ATP2C1: variants seen among roughly 807,000 people sequenced by gnomAD.
ATP2C1 encodes ATPase secretory pathway Ca2+ transporting 1, also known as calcium-transporting ATPase type 2C member 1.
Under a neutral mutation model 120.5 loss-of-function variants are expected in ATP2C1, and 31 were observed. That is an observed-to-expected ratio of 0.26 (90% CI 0.19 to 0.35). The LOEUF (loss-of-function observed/expected upper bound fraction) is 0.35, where lower values mean the gene tolerates loss of function less well. Ranked by LOEUF, ATP2C1 falls within the 10% of genes least tolerant of loss-of-function variation. The pLI, the probability that ATP2C1 is intolerant of heterozygous loss-of-function variation, is 1.00. For synonymous variants in ATP2C1, 351 were observed against 358.7 expected, an observed-to-expected ratio of 0.98 and a Z score of 0.24; for missense variants, 731 against 1,107.5, an observed-to-expected ratio of 0.66 and a Z score of 4.83.
chr3:130,904,313 G>A (rs545469601), intron 2 of ATP2C1, among the ~76,000 whole-genome samples: 14 of 151,858 alleles, frequency 9.2e-5, no homozygotes, highest in South Asian at 4.1e-4. Context: ...TTATCATCAT[G>A]TTAGTCTCCT....
chr3:130,990,241 G>T (rs992224820), intron 20 of ATP2C1, among the ~76,000 whole-genome samples: 2 of 142,950 alleles, frequency 1.4e-5, no homozygotes, highest in South Asian at 2.3e-4. Flanking sequence ...GAAGATAAAT[G>T]AATATAATGT....
chr3:130,853,457 C>A (rs1393711351), intron 1 of ATP2C1, among the ~76,000 whole-genome samples: 2 of 152,168 alleles, frequency 1.3e-5, no homozygotes, highest in East Asian at 1.9e-4. Context: ...TGCTAAGTAC[C>A]AACCATGTTG....
intron 14 of ATP2C1, among the ~76,000 whole-genome samples, chr3:130,965,999 G>A (rs1191790486): frequency 1.3e-5 from 2 of 152,120 alleles, no homozygotes; most frequent in Non-Finnish European, 2.9e-5. Flanking sequence ...TCTTCCTGAA[G>A]GTGCTTATGG....
intron 22 of ATP2C1, among the ~76,000 whole-genome samples, chr3:130,995,765 C>T (rs1208944017): frequency 5.3e-5 from 8 of 152,038 alleles, no homozygotes; most frequent in Non-Finnish European, 8.8e-5. Flanking sequence ...CTCAGCCTCC[C>T]GAGTAGCTGG....
chr3:130,969,480 C>CA, intron 17 of ATP2C1, 84 bp downstream of exon 17: 1 of 1,004,646 alleles, frequency 1.0e-6, no homozygotes, highest in Non-Finnish European at 1.6e-6. Flanking sequence ...TGGGTTTAGT[C>CA]ATTGTACATA....
chr3:130,885,556 T>C (rs1416662201), intron 1 of ATP2C1, among the ~76,000 whole-genome samples: 3 of 152,160 alleles, frequency 2.0e-5, no homozygotes, highest in Non-Finnish European at 4.4e-5. Flanking sequence ...TAACCCATTA[T>C]TTTAAACTTA....
downstream of ATP2C1, among the ~76,000 whole-genome samples, chr3:131,005,506 A>T (rs762080000): frequency 6.4e-4 from 98 of 152,182 alleles, 1 homozygote; most frequent in Admixed American, 2.6e-4. Context: ...CTTTGGCTTG[A>T]ATAGTAGAGC....
intron 2 of ATP2C1, among the ~76,000 whole-genome samples, chr3:130,912,734 C>T (rs1389167734): frequency 6.8e-6 from 1 of 147,112 alleles, no homozygotes; most frequent in Non-Finnish European, 1.5e-5. Flanking sequence ...ACCATTTGAC[C>T]CAGCCATCCC....
At chr3:130,970,672 C>T (rs917621895) in intron 17 of ATP2C1, among the ~76,000 whole-genome samples, 3 of 152,094 alleles carry the variant, frequency 2.0e-5, no homozygotes, top group Non-Finnish European at 4.4e-5. Flanking sequence ...GGATTGCAGG[C>T]GTGAGCCACC....
intron 1 of ATP2C1, among the ~76,000 whole-genome samples, chr3:130,884,930 CT>C (rs35931105): frequency 0.099 from 11,934 of 120,778 alleles, 483 homozygotes; most frequent in Non-Finnish European, 0.13. Flanking sequence ...TCTTTTCTTT[CT>C]TTTTTTTTTT....
intron 22 of ATP2C1, 98 bp downstream of exon 22, chr3:130,994,196 A>C (rs1169242144): frequency 5.6e-6 from 8 of 1,432,126 alleles, no homozygotes; most frequent in African/African-American, 4.2e-5. Flanking sequence ...ATTAGTATTT[A>C]AACATTAGGT....
chr3:130,890,291 T>C (rs2069127843), upstream of ATP2C1, among the ~76,000 whole-genome samples: 1 of 152,232 alleles, frequency 6.6e-6, no homozygotes, highest in Admixed American at 6.5e-5. Context: ...GTCATGGTAC[T>C]CTTGGGTCAT....
chr3:130,907,413 C>A (rs1412192154), intron 2 of ATP2C1, among the ~76,000 whole-genome samples: 1 of 152,010 alleles, frequency 6.6e-6, no homozygotes, highest in East Asian at 1.9e-4. Flanking sequence ...TAGTTTAACT[C>A]TCACGCTTGA....
intron 12 of ATP2C1, among the ~76,000 whole-genome samples, chr3:130,960,439 C>T (rs2060769595): frequency 6.6e-6 from 1 of 152,152 alleles, no homozygotes; most frequent in Non-Finnish European, 1.5e-5. Flanking sequence ...CAGATGCCTG[C>T]AAAGGACATG....
At chr3:130,910,881 TTCA>T (rs1310478797) in intron 2 of ATP2C1, among the ~76,000 whole-genome samples, 1 of 72,872 alleles carries the variant, frequency 1.4e-5, no homozygotes, top group African/African-American at 5.3e-5. Context: ...TGCATCAATG[TTCA>T]TCAAGGATAT....
chr3:130,884,661 C>T (rs1259593688), intron 1 of ATP2C1, among the ~76,000 whole-genome samples: 1 of 152,170 alleles, frequency 6.6e-6, no homozygotes, highest in African/African-American at 2.4e-5. Flanking sequence ...ATAAAATTAG[C>T]TTTATATATC....
At chr3:131,014,966 CATT>C (rs1173238312) in intron 26 of ATP2C1, among the ~76,000 whole-genome samples, 1 of 152,136 alleles carries the variant, frequency 6.6e-6, no homozygotes, top group Non-Finnish European at 1.5e-5. Context: ...CTGTTTAAAT[CATT>C]ATTAAGAGAA....
In ATP2C1 at chr3:130,909,301, T is replaced by G. The variant is rs887877501; in HGVS notation, c.6+14526T>G. On this transcript the variant is annotated intron_variant, in intron 2 of 27. Transcript: ENST00000510168. The stretch of plus-strand genomic sequence containing the variant: ...ATAGAAATGGCACCAACATCTCTCC[T>G]AGAAACTTCCTGGTGATTGGAAACT... 3.3e-5 allele frequency among the ~76,000 whole-genome samples: 5 copies of G among 152,336 alleles called. No individual in the cohort carries two copies. The South Asian group carries it at 1.0e-3, about 32-fold the overall frequency.
chr3:130,953,517 G>T (rs1415168855), intron 8 of ATP2C1, among the ~76,000 whole-genome samples: 1 of 152,120 alleles, frequency 6.6e-6, no homozygotes, highest in African/African-American at 2.4e-5. Flanking sequence ...GAAAAGTTGA[G>T]TTTTCTCTAG....
Sources: allele counts gnomAD v4.1 joint callset (sites outside exome capture counted in the v4.1 genomes callset), GRCh38; gene constraint gnomAD v4.1.1; transcripts MANE v1.5; gene names NCBI Gene and HGNC (gene_info 2026-07-23, HGNC 2026-07-21).